DACH2: variants seen among roughly 807,000 people sequenced by gnomAD.
DACH2 encodes dachshund homolog 2.
DACH2 carries 17 observed loss-of-function variants against 35.8 expected under a neutral mutation model. The observed-to-expected ratio is 0.48, with a 90% confidence interval of 0.33 to 0.71. The LOEUF (loss-of-function observed/expected upper bound fraction) is 0.71, where lower values mean the gene tolerates loss of function less well. Ranked by LOEUF, DACH2 falls within the 30% of genes least tolerant of loss-of-function variation. The pLI, the probability that DACH2 is intolerant of heterozygous loss-of-function variation, is 0.02. For synonymous variants in DACH2, 195 were observed against 177.3 expected (o/e 1.10, Z -0.79); for missense variants, 469 against 472.7 (o/e 0.99, Z 0.07).
At chrX:86,319,022 A>G (rs1195128985) in intron 1 of DACH2, among the ~76,000 whole-genome samples, 1 of 112,114 alleles carries the variant, frequency 8.9e-6, no homozygotes, top group East Asian at 2.8e-4. Context: ...TTTTAATGAA[A>G]CCTTATAGAC....
chrX:86,583,562 T>G (rs1183237833), intron 3 of DACH2, among the ~76,000 whole-genome samples: 1 of 110,470 alleles, frequency 9.1e-6, no homozygotes, highest in Non-Finnish European at 1.9e-5. Flanking sequence ...TTAATTTTAT[T>G]ATTATTATAC....
At chrX:86,564,407 T>C (rs1023224345) in intron 3 of DACH2, among the ~76,000 whole-genome samples, 1 of 111,275 alleles carries the variant, frequency 9.0e-6, no homozygotes, top group Non-Finnish European at 1.9e-5. Context: ...ACTCTGGAAA[T>C]AGTAAGTAAG....
At chrX:86,397,630 C>G (rs1421922962) in intron 2 of DACH2, among the ~76,000 whole-genome samples, 2 of 111,826 alleles carry the variant, frequency 1.8e-5, no homozygotes, top group African/African-American at 3.3e-5. Context: ...AAGGCCTTTT[C>G]TGCATCTATT....
intron 7 of DACH2, among the ~76,000 whole-genome samples, chrX:86,764,526 A>C (rs2041913293): frequency 8.9e-6 from 1 of 111,877 alleles, no homozygotes; most frequent in African/African-American, 3.2e-5. Flanking sequence ...AATTGCTCCC[A>C]GCTCTATCCA....
At chrX:86,272,220 G>GTA (rs2033827066) in intron 1 of DACH2, among the ~76,000 whole-genome samples, 1 of 110,536 alleles carries the variant, frequency 9.0e-6, no homozygotes, top group Non-Finnish European at 1.9e-5. Context: ...GTGTGTGTGT[G>GTA]TGTGTGTATA....
Position 86,148,923 on chromosome X carries a change from C to A in DACH2, c.303C>A (p.His101Gln), listed in dbSNP as rs2030259512. The change falls in exon 1 of 12, where the codon CAC becomes CAA. Residue 101 changes from histidine (H) to glutamine (Q), a missense_variant. Physicochemically the swap from His to Gln is conservative, Grantham distance 24. Around this residue, in one of 3 missense-constraint regions of DACH2, gnomAD observed 99 missense variants for 114.3 expected, o/e 0.87. Coordinates refer to ENST00000373125, the MANE Select transcript of DACH2 (RefSeq NM_053281.3). ...LPQVFDLFLK[H>Q]LVGGLHTVYT... ...AAGTCTTTGATCTTTTTCTCAAGCA[C>A]CTGGTGGGAGGCTTGCACACTGTGT... The A allele has an allele frequency of 8.3e-7, 1 of 1,210,976 alleles. No individual in the cohort carries two copies. The highest frequency in any genetic ancestry group is 2.2e-5 in the Admixed American group (1 of 45,924).
At chrX:86,274,793 C>T (rs1283485812) in intron 1 of DACH2, among the ~76,000 whole-genome samples, 1 of 111,052 alleles carries the variant, frequency 9.0e-6, no homozygotes, top group Non-Finnish European at 1.9e-5. Context: ...CCACCGCGCC[C>T]TGCCAACATT....
At chrX:86,216,705 G>A (rs942990682) in intron 1 of DACH2, among the ~76,000 whole-genome samples, 1 of 111,458 alleles carries the variant, frequency 9.0e-6, no homozygotes, top group Admixed American at 9.5e-5. Context: ...AATAAATTCT[G>A]CCCCAGAGAC....
intron 6 of DACH2, among the ~76,000 whole-genome samples, chrX:86,730,002 G>A (rs746416463): frequency 4.4e-4 from 48 of 108,826 alleles, no homozygotes; most frequent in Admixed American, 2.4e-3. Context: ...TTGCCATATC[G>A]TTTTTAAAAA....
At chrX:86,526,466 T>C (rs1169232907) in intron 3 of DACH2, among the ~76,000 whole-genome samples, 2 of 111,739 alleles carry the variant, frequency 1.8e-5, no homozygotes, top group Non-Finnish European at 3.8e-5. Context: ...GTGACTTGTT[T>C]GCTCCCTTTC....
intron 2 of DACH2, among the ~76,000 whole-genome samples, chrX:86,499,901 G>A (rs1024899783): frequency 9.0e-6 from 1 of 111,402 alleles, no homozygotes; most frequent in African/African-American, 3.3e-5. Context: ...ATGGAGCCAT[G>A]ATAGGATTTG....
chrX:86,790,640 G>C (rs1177418693), intron 7 of DACH2, among the ~76,000 whole-genome samples: 1 of 111,481 alleles, frequency 9.0e-6, no homozygotes, highest in Non-Finnish European at 1.9e-5. Context: ...TCAACCTCCT[G>C]GGCTCAAGGA....
At chrX:86,209,286 T>A (rs550179326) in intron 1 of DACH2, among the ~76,000 whole-genome samples, 1 of 111,431 alleles carries the variant, frequency 9.0e-6, no homozygotes, top group Non-Finnish European at 1.9e-5. Context: ...AACCCTTGAG[T>A]AGATAACATC....
At chrX:86,373,383 G>C in intron 1 of DACH2, among the ~76,000 whole-genome samples, 1 of 110,929 alleles carries the variant, frequency 9.0e-6, no homozygotes, top group East Asian at 2.8e-4. Flanking sequence ...GAGATCAAGG[G>C]AGCCACAAAT....
At chrX:86,546,339 C>CTCCTCTTCTTCTTCTTCTTCTTCTTCT (rs1380637599) in intron 3 of DACH2, among the ~76,000 whole-genome samples, 4 of 67,215 alleles carry the variant, frequency 6.0e-5, no homozygotes, top group Non-Finnish European at 8.4e-5. Flanking sequence ...CTTCTTCTTC[C>CTCCTCTTCTTCTTCTTCTTCTTCTTCT]TCTTCTTCTT....
chrX:86,389,923 C>A (rs759138323), intron 2 of DACH2, among the ~76,000 whole-genome samples: 1 of 111,832 alleles, frequency 8.9e-6, no homozygotes, highest in African/African-American at 3.2e-5. Context: ...AATGCAAATC[C>A]TTTTATGACA....
rs6623592 is a variant in DACH2, at chrX:86,179,698, G to A, written c.488+30590G>A. On this transcript the variant is annotated intron_variant, in intron 1 of 11. Transcript: ENST00000373125. Reference sequence around the variant, plus strand: ...CATTTTTGAGCACTCAAGGAAAGTAGGATATTTATTATCTCACCCAATGAA... The same window carrying A: ...CATTTTTGAGCACTCAAGGAAAGTAAGATATTTATTATCTCACCCAATGAA... Among the ~76,000 whole-genome samples, 60 of 110,800 alleles carry A rather than the reference G, an allele frequency of 5.4e-4. No homozygotes were observed. In the East Asian group the frequency reaches 0.015, roughly 28 times the overall value.
chrX:86,449,937 G>A (rs1439808400), intron 2 of DACH2, among the ~76,000 whole-genome samples: 1 of 111,403 alleles, frequency 9.0e-6, no homozygotes, highest in Non-Finnish European at 1.9e-5. Context: ...CAGTTTTAGA[G>A]TATTCTTGTC....
intron 2 of DACH2, among the ~76,000 whole-genome samples, chrX:86,449,577 C>G (rs1448321276): frequency 9.0e-6 from 1 of 111,170 alleles, no homozygotes; most frequent in Admixed American, 9.6e-5. Context: ...CTTTCTTCAT[C>G]TCTTATTGTC....
Sources: allele counts gnomAD v4.1 joint callset (sites outside exome capture counted in the v4.1 genomes callset), GRCh38; gene constraint gnomAD v4.1.1; regional missense constraint gnomAD v4.1.1; transcripts MANE v1.5; gene names NCBI Gene and HGNC (gene_info 2026-07-23, HGNC 2026-07-21).